The following FAM83B variants were observed in gnomAD, a reference collection of about 807,000 sequenced individuals.
FAM83B encodes the protein protein FAM83B.
In FAM83B, 26 loss-of-function variants were observed where a neutral mutation model predicts 38.8. That is an observed-to-expected ratio of 0.67 (90% confidence interval 0.49 to 0.93). The LOEUF (loss-of-function observed/expected upper bound fraction) is 0.93. Among genes scored for constraint, FAM83B ranks in the 40% least tolerant of loss-of-function variants. The pLI is 0.00. For synonymous variants in FAM83B, 419 were observed against 423.1 expected (o/e 0.99, Z 0.12); for missense variants, 1,237 against 1,197.3 (o/e 1.03, Z -0.49).
At chr6:54,860,287 G>A (rs185725680) in intron 1 of FAM83B, among the ~76,000 whole-genome samples, 1 of 152,266 alleles carries the variant, frequency 6.6e-6, no homozygotes, top group East Asian at 1.9e-4. Flanking sequence ...AAGCTGGAGA[G>A]TCTGGGTTGG....
chr6:54,931,421 C>T (rs1322948836), intron 4 of FAM83B, among the ~76,000 whole-genome samples: 3 of 151,866 alleles, frequency 2.0e-5, no homozygotes, highest in African/African-American at 7.3e-5. Context: ...GTCTGTTTTC[C>T]CTTTCAATTC....
At chr6:54,851,038 A>AC (rs1561901781) in intron 1 of FAM83B, among the ~76,000 whole-genome samples, 6 of 137,954 alleles carry the variant, frequency 4.3e-5, no homozygotes, top group Non-Finnish European at 6.2e-5. Context: ...AAAAAAAAAA[A>AC]GTGCTGTATT....
chr6:54,943,255 A>C lies in FAM83B; in HGVS notation c.*1248A>C, dbSNP rs1399037830. On this transcript the variant is annotated 3_prime_UTR_variant, in exon 5 of 5. Coordinates refer to ENST00000306858, the MANE Select transcript of FAM83B (RefSeq NM_001010872.3). Reference sequence around the variant, plus strand: ...TTGTAAGAATACCATTGGGAAAATGAGAAGTTTTACTGGGCTAGTTCTTCC... The same window carrying C: ...TTGTAAGAATACCATTGGGAAAATGCGAAGTTTTACTGGGCTAGTTCTTCC... 6.6e-6 allele frequency: 1 copy of C among 152,188 alleles called. No individual in the cohort carries two copies. Among genetic ancestry groups the C allele is most frequent in the East Asian group, 1.9e-4 (1 of 5,182 alleles). 9.4% of individuals were successfully genotyped at this position (152,188 alleles called of 1,614,324 possible).
intron 1 of FAM83B, among the ~76,000 whole-genome samples, chr6:54,851,328 T>C (rs1028187231): frequency 2.0e-5 from 3 of 152,078 alleles, no homozygotes; most frequent in Non-Finnish European, 2.9e-5. Flanking sequence ...TCTCTTTTTA[T>C]CTATCCCTTC....
rs148800319 is a variant in FAM83B, at chr6:54,940,867, T to G, written c.1896T>G (p.Thr632=). ...VALNQTTNGH[T]ESNNYIYKTL... ...TAAACCAAACTACAAATGGCCATAC[T>G]GAATCAAATAACTATATATATAAAA... Residue 632 remains threonine, a synonymous_variant, in exon 5 of 5, where the codon ACT becomes ACG. Coordinates refer to ENST00000306858, the MANE Select transcript of FAM83B (RefSeq NM_001010872.3). The G allele has an allele frequency of 5.6e-6, 9 of 1,613,964 alleles. No individual in the cohort carries two copies. The highest frequency in any genetic ancestry group is 7.6e-6 in the Non-Finnish European group (9 of 1,179,962).
chr6:54,868,183 G>A (rs574859163), intron 1 of FAM83B, among the ~76,000 whole-genome samples: 35 of 152,126 alleles, frequency 2.3e-4, no homozygotes, highest in Non-Finnish European at 4.4e-4. Flanking sequence ...TATGAAGTGA[G>A]CAACTTTATG....
intron 4 of FAM83B, among the ~76,000 whole-genome samples, chr6:54,931,006 T>G (rs1773408435): frequency 6.6e-6 from 1 of 152,134 alleles, no homozygotes; most frequent in Non-Finnish European, 1.5e-5. Context: ...GTTTTTATAT[T>G]CATTTGTCTC....
chr6:54,884,314 A>G (rs1358795849), intron 2 of FAM83B, among the ~76,000 whole-genome samples: 7 of 149,946 alleles, frequency 4.7e-5, no homozygotes, highest in African/African-American at 1.5e-4. Flanking sequence ...AAAAAAAAAA[A>G]AAAAGAGAAA....
Position 54,940,310 on chromosome 6 carries a change from C to T in FAM83B, c.1339C>T (p.Arg447Trp), listed in dbSNP as rs553145456. The change falls in exon 5 of 5, where the codon CGG becomes TGG. Residue 447 changes from arginine (R) to tryptophan (W), a missense_variant. Coordinates refer to ENST00000306858, the MANE Select transcript of FAM83B (RefSeq NM_001010872.3). ...CACACCTGCCCAGAGTTTTGCCAATCGGCTTGCGCAGAGAAAAACAACAAA... is the reference window on the plus strand; with the variant it reads ...CACACCTGCCCAGAGTTTTGCCAATTGGCTTGCGCAGAGAAAAACAACAAA... ...HNTPAQSFAN[R>W]LAQRKTTNLA... 41 of 1,614,034 alleles carry T rather than the reference C, an allele frequency of 2.5e-5. No homozygotes were observed. The highest frequency in any genetic ancestry group is 1.8e-4 in the East Asian group (8 of 44,866).
chr6:54,920,072 G>A (rs1489434958), intron 2 of FAM83B, among the ~76,000 whole-genome samples: 3 of 151,796 alleles, frequency 2.0e-5, no homozygotes, highest in Non-Finnish European at 2.9e-5. Flanking sequence ...ATACTATAGT[G>A]CACACAGTAT....
At chr6:54,936,278 C>T (rs1489478182) in intron 4 of FAM83B, among the ~76,000 whole-genome samples, 2 of 152,236 alleles carry the variant, frequency 1.3e-5, no homozygotes, top group African/African-American at 2.4e-5. Flanking sequence ...CATTCACCAA[C>T]ACCGTATCTT....
At chr6:54,899,716 C>T (rs1772614726) in intron 2 of FAM83B, among the ~76,000 whole-genome samples, 1 of 152,082 alleles carries the variant, frequency 6.6e-6, no homozygotes, top group South Asian at 2.1e-4. Flanking sequence ...ATGAGGCCTC[C>T]CACAGGCTCC....
chr6:54,940,556 T>C lies in FAM83B; in HGVS notation c.1585T>C (p.Leu529=), dbSNP rs573109201. 9 of 1,614,018 alleles carry C rather than the reference T, an allele frequency of 5.6e-6. No homozygotes were observed. Among genetic ancestry groups the C allele is most frequent in the African/African-American group, 5.3e-5 (4 of 75,004 alleles). ...RFEGYDNPEN[L]KANALYTHSR... is the part of the protein sequence containing the mutation. Reference sequence around the variant, plus strand: ...TGAGGGCTATGATAATCCTGAGAATTTGAAGGCCAATGCCCTTTATACTCA... The same window carrying C: ...TGAGGGCTATGATAATCCTGAGAATCTGAAGGCCAATGCCCTTTATACTCA... Residue 529 remains leucine (L), a synonymous_variant, in exon 5 of 5, where the codon TTG becomes CTG. Coordinates refer to ENST00000306858, the MANE Select transcript of FAM83B (RefSeq NM_001010872.3).
chr6:54,935,374 T>C (rs1561930513), intron 4 of FAM83B, among the ~76,000 whole-genome samples: 1 of 152,062 alleles, frequency 6.6e-6, no homozygotes. Flanking sequence ...CAGGGGAATA[T>C]GATAAAGCAT....
upstream of FAM83B, chr6:54,846,705 A>T (rs1160122626): frequency 5.9e-5 from 9 of 152,088 alleles, no homozygotes; most frequent in African/African-American, 2.2e-4. Context: ...CGCGGACCTG[A>T]CGCTGGGCAG....
intron 2 of FAM83B, among the ~76,000 whole-genome samples, chr6:54,893,544 G>A (rs1272277999): frequency 5.3e-5 from 8 of 151,884 alleles, no homozygotes; most frequent in Admixed American, 5.2e-4. Context: ...ATCACCAGGT[G>A]GTTCTTAAAT....
At chr6:54,906,310 G>C (rs1164042589) in intron 2 of FAM83B, among the ~76,000 whole-genome samples, 1 of 152,032 alleles carries the variant, frequency 6.6e-6, no homozygotes, top group East Asian at 1.9e-4. Context: ...AATTGAGTTG[G>C]TGTTTTGGTA....
chr6:54,891,056 T>C (rs1772390960), intron 2 of FAM83B, among the ~76,000 whole-genome samples: 1 of 152,168 alleles, frequency 6.6e-6, no homozygotes, highest in Non-Finnish European at 1.5e-5. Context: ...TGTTCCATCA[T>C]GACAGTCCTC....
chr6:54,851,431 G>A (rs1267842875), intron 1 of FAM83B, among the ~76,000 whole-genome samples: 1 of 151,362 alleles, frequency 6.6e-6, no homozygotes, highest in African/African-American at 2.4e-5. Context: ...TTCACCATCT[G>A]TTGAACTACC....
Sources: gnomAD v4.1 joint callset for allele counts (sites outside exome capture counted in the v4.1 genomes callset) on GRCh38, gnomAD v4.1.1 for gene constraint, MANE v1.5 for transcripts, NCBI Gene and HGNC (gene_info 2026-07-23, HGNC 2026-07-21) for gene names.